Variants in DLG1 observed in about 807,000 individuals in gnomAD.
DLG1 encodes disks large homolog 1.
Under a neutral mutation model 123.4 loss-of-function variants are expected in DLG1, and 42 were observed. That is an observed-to-expected ratio of 0.34 (90% CI 0.27 to 0.44). The LOEUF is 0.44. DLG1 is among the 20% of genes least tolerant of loss of function. The pLI, the probability that DLG1 is intolerant of heterozygous loss-of-function variation, is 1.00. For missense variants in DLG1, 942 were observed against 1,082.6 expected (o/e 0.87, Z 1.82); for synonymous variants, 317 against 356.2 (o/e 0.89, Z 1.24).
intron 12 of DLG1, among the ~76,000 whole-genome samples, 177 bp from the exon 13 acceptor site, chr3:197,116,260 G>GA (rs542950121): frequency 4.0e-4 from 61 of 150,752 alleles, no homozygotes; most frequent in Admixed American, 1.1e-3. Flanking sequence ...CAAATCAAAG[G>GA]AAAAAATCTA....
Position 197,044,619 on chromosome 3 carries a change from G to A in DLG1, c.*4C>T. Reference sequence around the variant, plus strand: ...GGAAAAGAGAAACAGAGAAACATGAGTTTTCATAGCTTTTCTTTTGCCGGA... The same window carrying A: ...GGAAAAGAGAAACAGAGAAACATGAATTTTCATAGCTTTTCTTTTGCCGGA... On this transcript the variant is annotated 3_prime_UTR_variant, in exon 25 of 25. Coordinates refer to ENST00000667157, the MANE Select transcript of DLG1 (RefSeq NM_001366207.1). 1 of 1,588,884 alleles carries A rather than the reference G, an allele frequency of 6.3e-7. No homozygotes were observed. The highest frequency in any genetic ancestry group is 8.6e-7 in the Non-Finnish European group (1 of 1,160,608).
intron 15 of DLG1, 120 bp from the exon 16 acceptor site, chr3:197,085,876 C>T (rs1754044256): frequency 4.6e-6 from 4 of 861,438 alleles, no homozygotes; most frequent in African/African-American, 3.5e-5. Context: ...CCAAATAATG[C>T]CCAGTTCAAT....
intron 4 of DLG1, among the ~76,000 whole-genome samples, chr3:197,231,778 T>C (rs958276063): frequency 6.6e-6 from 1 of 151,356 alleles, no homozygotes; most frequent in African/African-American, 2.4e-5. Flanking sequence ...CCAAATAAAA[T>C]GTTGAATGAA....
intron 4 of DLG1, among the ~76,000 whole-genome samples, chr3:197,242,714 T>G (rs560857023): frequency 1.3e-5 from 2 of 151,968 alleles, no homozygotes; most frequent in South Asian, 4.2e-4. Context: ...CTTAAAAACT[T>G]GAAACAAATG....
chr3:197,066,697 C>T lies in DLG1; in HGVS notation c.2098+7G>A, dbSNP rs1225794690. ...AAGGTTATAAAACATCAATAGGCTT[C>T]ACAAACCTTCTTGTTGATTCACTGG... On this transcript the variant is annotated splice_region_variant and intron_variant, in intron 20 of 24. Transcript: ENST00000667157. The T allele has an allele frequency of 6.3e-7, 1 of 1,596,290 alleles. No homozygotes were observed. Among genetic ancestry groups the T allele is most frequent in the Admixed American group, 1.7e-5 (1 of 59,598 alleles).
chr3:197,213,839 G>A (rs1340394237), intron 4 of DLG1, among the ~76,000 whole-genome samples: 1 of 152,126 alleles, frequency 6.6e-6, no homozygotes, highest in African/African-American at 2.4e-5. Flanking sequence ...TTTTATTTGG[G>A]TGAGTCAGAG....
rs1466252535 is a variant in DLG1, at chr3:197,042,761, C to CATTT, written c.*1858_*1861dup. 5.3e-5 allele frequency: 8 copies of CATTT among 152,230 alleles called. No individual in the cohort carries two copies. Among genetic ancestry groups the CATTT allele is most frequent in the African/African-American group, 1.9e-4 (8 of 41,466 alleles). The allele number at this position is 152,230 out of a possible 1,614,324, so 9.4% of individuals were successfully genotyped here. The stretch of plus-strand genomic sequence containing the variant: ...TTTCTATGTGGTTAACAACCTACGA[C>CATTT]ATTTAGTCTAACAGCAGCACTGTGT... On this transcript the variant is annotated 3_prime_UTR_variant, in exon 25 of 25. Coordinates refer to ENST00000667157, the MANE Select transcript of DLG1 (RefSeq NM_001366207.1).
chr3:197,231,749 C>T (rs753729239), intron 4 of DLG1, among the ~76,000 whole-genome samples: 1 of 150,076 alleles, frequency 6.7e-6, no homozygotes, highest in Non-Finnish European at 1.5e-5. Flanking sequence ...AAAACAAAAA[C>T]CACTAAAATG....
At chr3:197,124,821 G>C (rs929748893) in intron 11 of DLG1, among the ~76,000 whole-genome samples, 1 of 152,172 alleles carries the variant, frequency 6.6e-6, no homozygotes, top group Non-Finnish European at 1.5e-5. Flanking sequence ...AAAAGGAGCA[G>C]TGTTAGAGAG....
intron 10 of DLG1, chr3:197,136,242 C>A: frequency 4.4e-6 from 1 of 229,026 alleles, no homozygotes; most frequent in Non-Finnish European, 8.5e-6. Context: ...AAGGGTCATG[C>A]ATAAACAAAT....
At chr3:197,160,921 T>C (rs1010396780) in intron 5 of DLG1, among the ~76,000 whole-genome samples, 2 of 152,208 alleles carry the variant, frequency 1.3e-5, no homozygotes, top group African/African-American at 4.8e-5. Flanking sequence ...TCTTTATTAT[T>C]ATCTTTAATA....
intron 11 of DLG1, among the ~76,000 whole-genome samples, chr3:197,122,924 A>G (rs1164544939): frequency 2.0e-5 from 3 of 152,156 alleles, no homozygotes; most frequent in Non-Finnish European, 4.4e-5. Flanking sequence ...GATTTACTTT[A>G]CATCAATATT....
At chr3:197,249,336 A>T (rs912698945) in intron 4 of DLG1, among the ~76,000 whole-genome samples, 1 of 152,140 alleles carries the variant, frequency 6.6e-6, no homozygotes, top group Admixed American at 6.5e-5. Context: ...ATGACTTTCA[A>T]GATTGAACCA....
intron 2 of DLG1, chr3:197,296,958 G>GC (rs1777698012): frequency 3.6e-6 from 2 of 552,358 alleles, no homozygotes; most frequent in Admixed American, 3.3e-5. Flanking sequence ...TCTGTTGGGG[G>GC]GGGGCTAACT....
intron 14 of DLG1, among the ~76,000 whole-genome samples, chr3:197,103,445 T>C (rs564419359): frequency 6.6e-6 from 1 of 152,224 alleles, no homozygotes; most frequent in South Asian, 2.1e-4. Flanking sequence ...TTCCATATAG[T>C]GTACCTACGG....
intron 8 of DLG1, among the ~76,000 whole-genome samples, 199 bp from the exon 9 acceptor site, chr3:197,138,590 A>G (rs1786281314): frequency 6.6e-6 from 1 of 152,060 alleles, no homozygotes; most frequent in African/African-American, 2.4e-5. Flanking sequence ...AAGGGCCAGC[A>G]AAAGGAACAA....
In DLG1 at chr3:197,136,993, T is replaced by A. The variant is rs140662262; in HGVS notation, c.884-315A>T. 7.0e-4 allele frequency among the ~76,000 whole-genome samples: 107 copies of A among 152,352 alleles called. 1 individual carries two copies. Among genetic ancestry groups the A allele is most frequent in the African/African-American group, 2.3e-3 (97 of 41,582 alleles). ...TGTTTCCATCATAATTATGCTTACC[T>A]ACACTTTTAATATTTTCACAAGAAC... is the stretch of plus-strand genomic sequence containing the variant. On this transcript the variant is annotated intron_variant, in intron 9 of 24. Coordinates refer to ENST00000667157, the MANE Select transcript of DLG1 (RefSeq NM_001366207.1).
At chr3:197,220,941 TAA>T (rs1274296699) in intron 4 of DLG1, among the ~76,000 whole-genome samples, 1 of 152,364 alleles carries the variant, frequency 6.6e-6, no homozygotes, top group South Asian at 2.1e-4. Context: ...TAATTACTGT[TAA>T]AAATTATTCT....
chr3:197,258,594 T>C (rs1409247642), intron 4 of DLG1, among the ~76,000 whole-genome samples: 1 of 152,170 alleles, frequency 6.6e-6, no homozygotes, highest in Non-Finnish European at 1.5e-5. Context: ...AAATTTCACT[T>C]GGAAAGGTGT....
Sources: gnomAD v4.1 joint callset for allele counts (sites outside exome capture counted in the v4.1 genomes callset) on GRCh38, gnomAD v4.1.1 for gene constraint, MANE v1.5 for transcripts, NCBI Gene and HGNC (gene_info 2026-07-23, HGNC 2026-07-21) for gene names.